TAF3: variants seen among roughly 807,000 people sequenced by gnomAD.
TAF3 encodes TATA-box binding protein associated factor 3.
In TAF3, 7 loss-of-function variants were observed where a neutral mutation model predicts 80.6. The observed-to-expected ratio is 0.09, with a 90% CI of 0.05 to 0.16. The LOEUF is 0.16. Among genes scored for constraint, TAF3 ranks in the 10% least tolerant of loss-of-function variants. TAF3 has a pLI of 1.00. For missense variants in TAF3, 921 were observed against 1,140.2 expected, an observed-to-expected ratio of 0.81 and a Z score of 2.77; for synonymous variants, 444 against 446.1, an observed-to-expected ratio of 1.00 and a Z score of 0.06.
intron 2 of TAF3, among the ~76,000 whole-genome samples, chr10:7,918,797 C>T (rs1293328979): frequency 6.6e-6 from 1 of 152,058 alleles, no homozygotes; most frequent in African/African-American, 2.4e-5. Flanking sequence ...AAACCAGGTA[C>T]TAAAGTCTTC....
intron 3 of TAF3, among the ~76,000 whole-genome samples, chr10:7,970,461 G>A (rs962330993): frequency 6.6e-6 from 1 of 152,218 alleles, no homozygotes; most frequent in African/African-American, 2.4e-5. Flanking sequence ...AGGGGGCCCA[G>A]GCCTGTCTGC....
intron 2 of TAF3, among the ~76,000 whole-genome samples, chr10:7,948,769 A>G (rs545547926): frequency 1.3e-5 from 2 of 152,330 alleles, no homozygotes; most frequent in South Asian, 4.1e-4. Context: ...ATCACTGGGT[A>G]CTGAACTAAT....
intron 3 of TAF3, among the ~76,000 whole-genome samples, chr10:7,973,069 G>T (rs1393735183): frequency 6.6e-6 from 1 of 152,186 alleles, no homozygotes; most frequent in African/African-American, 2.4e-5. Context: ...TACTAACTTT[G>T]TAACTCTAGG....
intron 2 of TAF3, among the ~76,000 whole-genome samples, chr10:7,839,368 A>AT (rs983020540): frequency 3.9e-5 from 6 of 151,916 alleles, no homozygotes; most frequent in South Asian, 2.1e-4. Flanking sequence ...CCATTTCACC[A>AT]TTTTTTTGGC....
intron 2 of TAF3, among the ~76,000 whole-genome samples, chr10:7,846,127 T>G (rs1836969259): frequency 6.6e-6 from 1 of 152,036 alleles, no homozygotes; most frequent in African/African-American, 2.4e-5. Flanking sequence ...CCTAGCTAAT[T>G]TTTTGTGTTT....
At chr10:7,893,505 C>T (rs865784238) in intron 2 of TAF3, among the ~76,000 whole-genome samples, 12 of 152,316 alleles carry the variant, frequency 7.9e-5, no homozygotes, top group African/African-American at 2.6e-4. Context: ...TCTTACTGTA[C>T]CAAACATTCA....
intron 2 of TAF3, among the ~76,000 whole-genome samples, chr10:7,883,763 A>T (rs1475079282): frequency 6.6e-6 from 1 of 152,172 alleles, no homozygotes; most frequent in Non-Finnish European, 1.5e-5. Flanking sequence ...TATTTTACTC[A>T]GTATATTATA....
intron 2 of TAF3, among the ~76,000 whole-genome samples, chr10:7,903,898 C>G (rs886842299): frequency 3.3e-5 from 5 of 152,018 alleles, no homozygotes; most frequent in African/African-American, 1.2e-4. Flanking sequence ...GACAAGTATT[C>G]AGAGATACAT....
At chr10:7,836,070 C>T (rs989869243) in intron 2 of TAF3, among the ~76,000 whole-genome samples, 4 of 152,122 alleles carry the variant, frequency 2.6e-5, no homozygotes, top group African/African-American at 4.8e-5. Flanking sequence ...TTCTTGGGCA[C>T]GTCTTCCCTG....
chr10:7,907,988 C>T lies in TAF3; in HGVS notation c.410-55932C>T, dbSNP rs546170966. ...AAGAAGAGGCTCAGTTCAGGAGATA[C>T]GTAGAAGAAGTTGGCAGTGGTGCAG... On this transcript the variant is annotated intron_variant, in intron 2 of 6. Coordinates refer to ENST00000344293, the MANE Select transcript of TAF3 (RefSeq NM_031923.4). Among the ~76,000 whole-genome samples, 101 of 152,240 alleles carry T rather than the reference C, an allele frequency of 6.6e-4. No individual in the cohort carries two copies. The South Asian group carries it at 0.02, about 30-fold the overall frequency.
intron 2 of TAF3, among the ~76,000 whole-genome samples, chr10:7,857,403 G>C (rs551424695): frequency 1.3e-5 from 2 of 152,186 alleles, no homozygotes; most frequent in African/African-American, 4.8e-5. Flanking sequence ...CAGTCTGTCC[G>C]GGAGAAAGTT....
intron 2 of TAF3, among the ~76,000 whole-genome samples, chr10:7,923,028 GTTAA>G (rs1837779553): frequency 6.6e-6 from 1 of 151,984 alleles, no homozygotes; most frequent in Non-Finnish European, 1.5e-5. Flanking sequence ...CTACCAAACA[GTTAA>G]TTATCTCATG....
At chr10:7,855,824 G>A (rs911841213) in intron 2 of TAF3, among the ~76,000 whole-genome samples, 6 of 151,938 alleles carry the variant, frequency 3.9e-5, no homozygotes, top group African/African-American at 1.5e-4. Flanking sequence ...GCTCACACCT[G>A]TAATCCCAGC....
intron 2 of TAF3, among the ~76,000 whole-genome samples, chr10:7,947,001 A>T (rs1838031285): frequency 6.6e-6 from 1 of 152,064 alleles, no homozygotes; most frequent in Non-Finnish European, 1.5e-5. Context: ...GCCTTAAGAG[A>T]TCCTCTCACC....
chr10:7,835,134 G>T (rs1449048523), intron 2 of TAF3, among the ~76,000 whole-genome samples: 2 of 152,086 alleles, frequency 1.3e-5, no homozygotes, highest in Non-Finnish European at 2.9e-5. Context: ...CAATCTTTTG[G>T]CTTCCCTGGG....
At chr10:7,868,362 G>A (rs1009985461) in intron 2 of TAF3, among the ~76,000 whole-genome samples, 2 of 151,678 alleles carry the variant, frequency 1.3e-5, no homozygotes, top group African/African-American at 4.8e-5. Flanking sequence ...TCAAGCTCTA[G>A]TAACCATTCA....
At chr10:7,859,165 G>T (rs1382192423) in intron 2 of TAF3, among the ~76,000 whole-genome samples, 1 of 152,002 alleles carries the variant, frequency 6.6e-6, no homozygotes, top group Non-Finnish European at 1.5e-5. Flanking sequence ...GGAGGCTGAG[G>T]CAGGAGAATG....
chr10:7,952,682 G>T (rs1419265315), intron 2 of TAF3, among the ~76,000 whole-genome samples: 1 of 152,102 alleles, frequency 6.6e-6, no homozygotes, highest in South Asian at 2.1e-4. Context: ...AGGTCACTGT[G>T]TATCTAGGAA....
At chr10:7,847,286 A>G (rs1836981414) in intron 2 of TAF3, among the ~76,000 whole-genome samples, 1 of 152,254 alleles carries the variant, frequency 6.6e-6, no homozygotes, top group African/African-American at 2.4e-5. Context: ...ACAAACAAGA[A>G]ATATGGTCTC....
Sources: gnomAD v4.1 joint callset for allele counts (sites outside exome capture counted in the v4.1 genomes callset) on GRCh38, gnomAD v4.1.1 for gene constraint, MANE v1.5 for transcripts, NCBI Gene and HGNC (gene_info 2026-07-23, HGNC 2026-07-21) for gene names.